SMAD6: variants seen among roughly 807,000 people sequenced by gnomAD.
SMAD6 encodes the protein MAD homolog 6.
SMAD6 carries 103 observed loss-of-function variants against 39.4 expected under a neutral mutation model. The observed-to-expected ratio is 2.62, with a 90% confidence interval of 2.23 to 3.08. The LOEUF (loss-of-function observed/expected upper bound fraction) is 3.08. SMAD6 is among the 30% of genes most tolerant of loss of function. The probability of loss-of-function intolerance (pLI) is 0.00; values close to 1 mark genes in which losing one functional copy is unlikely to be tolerated. For synonymous variants in SMAD6, 445 were observed against 353.3 expected (o/e 1.26, Z -2.91); for missense variants, 1,104 against 742.9 (o/e 1.49, Z -5.65).
chr15:66,760,318 T>C (rs1027673461), intron 3 of SMAD6, among the ~76,000 whole-genome samples: 1 of 152,164 alleles, frequency 6.6e-6, no homozygotes, highest in Non-Finnish European at 1.5e-5. Flanking sequence ...TCATGGGTGC[T>C]AGGCAGTGCC....
chr15:66,739,017 T>C (rs1219580951), intron 3 of SMAD6, among the ~76,000 whole-genome samples: 1 of 151,936 alleles, frequency 6.6e-6, no homozygotes, highest in East Asian at 1.9e-4. Flanking sequence ...GACCAGTGAA[T>C]GTTTAGCATT....
At chr15:66,707,942 C>T (rs1235528579) in intron 1 of SMAD6, 1 of 152,340 alleles carries the variant, frequency 6.6e-6, no homozygotes, top group African/African-American at 2.4e-5. Context: ...GAACTCTTTT[C>T]TGGCTTTAGA....
chr15:66,781,075 G>A lies in SMAD6; in HGVS notation c.1031G>A (p.Gly344Asp). 6.2e-7 allele frequency: 1 copy of A among 1,605,970 alleles called. No homozygotes were observed. The highest frequency in any genetic ancestry group is 1.7e-4 in the Middle Eastern group (1 of 6,058). The stretch of plus-strand genomic sequence containing the variant: ...TACTGGGAGCACCGGACGCGCGTGG[G>A]CCGCCTCTATGCGGTGTACGACCAG... Reference protein sequence around the residue: ...VAYWEHRTRVGRLYAVYDQAV... With the variant: ...VAYWEHRTRVDRLYAVYDQAV... The change falls in exon 4 of 4, where the codon GGC (glycine) becomes GAC (aspartate). Residue 344 changes from glycine to aspartate, a missense_variant. Gly to Asp is a moderately conservative substitution (Grantham distance 94). Coordinates refer to ENST00000288840, the MANE Select transcript of SMAD6 (RefSeq NM_005585.5).
At chr15:66,733,567 T>C (rs1893666280) in intron 3 of SMAD6, among the ~76,000 whole-genome samples, 1 of 152,268 alleles carries the variant, frequency 6.6e-6, no homozygotes, top group East Asian at 1.9e-4. Flanking sequence ...AATGTTACTT[T>C]TAAACATTCT....
chr15:66,726,777 T>A lies in SMAD6; in HGVS notation c.952+10279T>A, dbSNP rs555948305. On this transcript the variant is annotated intron_variant, in intron 3 of 3. Coordinates refer to ENST00000288840, the MANE Select transcript of SMAD6 (RefSeq NM_005585.5). ...GGGTCAGTTGGTCCAAATCATTGGTTCTCCACCCTCTTTGCACATCAATCC... is the reference window on the plus strand; with the variant it reads ...GGGTCAGTTGGTCCAAATCATTGGTACTCCACCCTCTTTGCACATCAATCC... Among the ~76,000 whole-genome samples, 549 of 152,214 alleles carry A rather than the reference T, an allele frequency of 3.6e-3. 2 individuals carry two copies. The highest frequency in any genetic ancestry group is 6.3e-3 in the Non-Finnish European group (428 of 68,002).
chr15:66,781,236 G>T lies in SMAD6; in HGVS notation c.1192G>T (p.Asp398Tyr). The T allele has an allele frequency of 6.2e-7, 1 of 1,608,596 alleles. No homozygotes were observed. Among genetic ancestry groups the T allele is most frequent in the Non-Finnish European group, 8.5e-7 (1 of 1,179,622 alleles). Reference sequence around the variant, plus strand: ...CGGCATCCTGCTCAGCAAGGAGCCCGACGGCGTGTGGGCCTACAACCGCGG... The same window carrying T: ...CGGCATCCTGCTCAGCAAGGAGCCCTACGGCGTGTGGGCCTACAACCGCGG... ...GFGILLSKEP[D>Y]GVWAYNRGEH... is the part of the protein sequence containing the mutation. The change falls in exon 4 of 4, where the codon GAC becomes TAC. Residue 398 changes from aspartate (D) to tyrosine (Y), a missense_variant. By Grantham distance (160) the Asp-to-Tyr change is radical. Coordinates refer to ENST00000288840, the MANE Select transcript of SMAD6 (RefSeq NM_005585.5).
At chr15:66,718,601 G>A (rs551893486) in intron 3 of SMAD6, among the ~76,000 whole-genome samples, 4 of 152,332 alleles carry the variant, frequency 2.6e-5, no homozygotes, top group South Asian at 4.1e-4. Flanking sequence ...TGAATGGAGT[G>A]TTTCCCTTTG....
chr15:66,775,958 T>A (rs1894460371), intron 3 of SMAD6, among the ~76,000 whole-genome samples: 1 of 151,930 alleles, frequency 6.6e-6, no homozygotes, highest in African/African-American at 2.4e-5. Context: ...GGACCATGGG[T>A]TAGGGGGTGC....
In SMAD6 at chr15:66,703,657, CG is replaced by C. The variant is rs1254806794; in HGVS notation, c.400del (p.Ala134ProfsTer47). On this transcript the variant is annotated frameshift_variant, in exon 1 of 4. Transcript: ENST00000288840. LOFTEE classifies it high-confidence loss of function. Reference sequence around the variant, plus strand: ...CCTGCTGTCTCTTTTCGGAGCGGGACGCCGCCGGCGCGCCCCGGGACGCCAG... The same window carrying C: ...CCTGCTGTCTCTTTTCGGAGCGGGACCCGCCGGCGCGCCCCGGGACGCCAG... ...VTCCLFSERD[A>X]AGAPRDASDP... is the part of the protein sequence containing the mutation. 8.1e-7 allele frequency: 1 copy of C among 1,230,628 alleles called. No homozygotes were observed. Among genetic ancestry groups the C allele is most frequent in the Admixed American group, 4.4e-5 (1 of 22,740 alleles). The allele number at this position is 1,230,628 out of a possible 1,614,324, so 76.2% of individuals were successfully genotyped here.
chr15:66,777,100 T>G (rs896748658), intron 3 of SMAD6, among the ~76,000 whole-genome samples: 1 of 122,690 alleles, frequency 8.2e-6, no homozygotes, highest in Non-Finnish European at 1.7e-5. Context: ...GTTAAAAACA[T>G]GTGTTGGTTT....
Position 66,703,705 on chromosome 15 carries a change from C to A in SMAD6, c.447C>A (p.Ala149=), listed in dbSNP as rs181184476. 1 of 1,342,790 alleles carries A rather than the reference C, an allele frequency of 7.4e-7. No individual in the cohort carries two copies. The highest frequency in any genetic ancestry group is 3.4e-5 in the East Asian group (1 of 29,756). The allele number at this position is 1,342,790 out of a possible 1,614,324, so 83.2% of individuals were successfully genotyped here. ...RDASDPLAGA[A]LEPAGGGRSR... Reference sequence around the variant, plus strand: ...CCAGCGACCCCCTGGCCGGGGCGGCCCTGGAGCCGGCGGGCGGCGGGCGGA... The same window carrying A: ...CCAGCGACCCCCTGGCCGGGGCGGCACTGGAGCCGGCGGGCGGCGGGCGGA... Residue 149 remains alanine, a synonymous_variant, in exon 1 of 4, where the codon GCC becomes GCA. Coordinates refer to ENST00000288840, the MANE Select transcript of SMAD6 (RefSeq NM_005585.5).
chr15:66,768,951 G>A (rs1313723778), intron 3 of SMAD6, among the ~76,000 whole-genome samples: 3 of 152,314 alleles, frequency 2.0e-5, no homozygotes, highest in Admixed American at 2.0e-4. Flanking sequence ...GTACCCTTCT[G>A]TTGACAGCAT....
intron 3 of SMAD6, among the ~76,000 whole-genome samples, chr15:66,734,023 C>G (rs1014190558): frequency 6.6e-6 from 1 of 152,180 alleles, no homozygotes. Context: ...AGCTGGGGTC[C>G]TGCACCCTGA....
chr15:66,727,549 A>G (rs1323907927), intron 3 of SMAD6, among the ~76,000 whole-genome samples: 7 of 152,300 alleles, frequency 4.6e-5, no homozygotes, highest in Admixed American at 1.3e-4. Flanking sequence ...AAAGGCAGGA[A>G]GATGTGAGGA....
intron 3 of SMAD6, among the ~76,000 whole-genome samples, chr15:66,732,843 G>C (rs1893653511): frequency 1.3e-5 from 2 of 151,902 alleles, no homozygotes; most frequent in South Asian, 4.1e-4. Flanking sequence ...CAATTTATCA[G>C]TTGTTTCTTT....
At chr15:66,734,455 G>A (rs1427843607) in intron 3 of SMAD6, among the ~76,000 whole-genome samples, 4 of 152,206 alleles carry the variant, frequency 2.6e-5, no homozygotes, top group African/African-American at 7.2e-5. Context: ...AGCGGAGGTC[G>A]AGGGAGGGGA....
intron 3 of SMAD6, among the ~76,000 whole-genome samples, chr15:66,774,954 C>T (rs377459501): frequency 1.3e-5 from 2 of 152,016 alleles, no homozygotes; most frequent in Non-Finnish European, 2.9e-5. Flanking sequence ...GTCCGCCTCC[C>T]GGGTTCTAGC....
At position 66,703,190 on chromosome 15, in the gene SMAD6, C is replaced by A. The variant is rs1595756127; in HGVS notation, c.-69C>A. 3 of 1,211,404 alleles carry A rather than the reference C, an allele frequency of 2.5e-6. No homozygotes were observed. The highest frequency in any genetic ancestry group is 3.2e-6 in the Non-Finnish European group (3 of 930,174). 75.0% of individuals were successfully genotyped at this position (1,211,404 alleles called of 1,614,324 possible). A position where few individuals can be genotyped will look rare whatever the true frequency, so the allele number is the denominator to read the frequency against. ...GCTGCGACCCGCGCAGCCGGCGCCT[C>A]GCTGAGGGAACGGACCCCCGGTAAC... On this transcript the variant is annotated 5_prime_UTR_variant, in exon 1 of 4. Coordinates refer to ENST00000288840, the MANE Select transcript of SMAD6 (RefSeq NM_005585.5).
At chr15:66,738,429 GTT>G (rs1893752058) in intron 3 of SMAD6, among the ~76,000 whole-genome samples, 1 of 152,186 alleles carries the variant, frequency 6.6e-6, no homozygotes, top group African/African-American at 2.4e-5. Context: ...ATGGCAGGGG[GTT>G]GTGAGAGGAG....
Sources: gnomAD v4.1 joint callset for allele counts (sites outside exome capture counted in the v4.1 genomes callset) on GRCh38, gnomAD v4.1.1 for gene constraint, MANE v1.5 for transcripts, NCBI Gene and HGNC (gene_info 2026-07-23, HGNC 2026-07-21) for gene names.